Variants in MED13L observed in about 807,000 individuals in gnomAD.
MED13L encodes the protein mediator of RNA polymerase II transcription subunit 13-like.
MED13L carries 7 observed loss-of-function variants against 220.9 expected under a neutral mutation model. The ratio of observed to expected loss-of-function variants is 0.03; its 90% confidence interval spans 0.02 to 0.06. The LOEUF is 0.06. MED13L is among the 10% of genes least tolerant of loss of function. The probability of loss-of-function intolerance (pLI) is 1.00; values close to 1 mark genes in which losing one functional copy is unlikely to be tolerated. For missense variants in MED13L, 1,965 were observed against 2,760.5 expected (o/e 0.71, Z 6.46); for synonymous variants, 1,011 against 1,015.2 (o/e 1.00, Z 0.08).
chr12:116,011,293 TAAAA>T (rs1055400426), intron 9 of MED13L, among the ~76,000 whole-genome samples: 1 of 151,498 alleles, frequency 6.6e-6, no homozygotes, highest in Admixed American at 6.6e-5. Flanking sequence ...CATATGGTTA[TAAAA>T]AAAAGACCTG....
chr12:116,207,322 C>G (rs554557932), intron 2 of MED13L, among the ~76,000 whole-genome samples: 79 of 152,068 alleles, frequency 5.2e-4, no homozygotes, highest in Admixed American at 4.1e-3. Context: ...TAGGTATGTT[C>G]GGAAACACAA....
At chr12:116,029,280 A>T (rs1283959595) in intron 4 of MED13L, among the ~76,000 whole-genome samples, 1 of 151,260 alleles carries the variant, frequency 6.6e-6, no homozygotes, top group Non-Finnish European at 1.5e-5. Flanking sequence ...AAGCATTTAA[A>T]CTGAGGTTTA....
At chr12:116,207,880 T>C (rs758721796) in intron 2 of MED13L, among the ~76,000 whole-genome samples, 3 of 152,186 alleles carry the variant, frequency 2.0e-5, no homozygotes, top group Admixed American at 6.5e-5. Flanking sequence ...GCTCAGATTG[T>C]GGTCTCTAAA....
chr12:116,016,331 A>G (rs1879721454), intron 7 of MED13L, among the ~76,000 whole-genome samples: 1 of 152,164 alleles, frequency 6.6e-6, no homozygotes, highest in African/African-American at 2.4e-5. Context: ...CTTATATTCT[A>G]AGGAAATGAA....
intron 4 of MED13L, among the ~76,000 whole-genome samples, chr12:116,024,776 G>GGGGC (rs1880278207): frequency 1.0e-5 from 1 of 98,206 alleles, no homozygotes; most frequent in Non-Finnish European, 2.1e-5. Flanking sequence ...GGCGGGGCGG[G>GGGGC]GGGGGGGGGG....
chr12:116,149,042 T>C (rs967852665), intron 2 of MED13L, among the ~76,000 whole-genome samples: 3 of 152,232 alleles, frequency 2.0e-5, no homozygotes, highest in South Asian at 4.1e-4. Flanking sequence ...TAACAACTCA[T>C]TGTTTGAGAT....
chr12:116,064,709 T>A (rs1593002780), intron 4 of MED13L, among the ~76,000 whole-genome samples: 1 of 152,172 alleles, frequency 6.6e-6, no homozygotes, highest in African/African-American at 2.4e-5. Flanking sequence ...AACTAAACCT[T>A]CTACGGTACT....
In MED13L at chr12:116,096,736, T is replaced by C; in HGVS notation, c.412A>G (p.Asn138Asp). ...NLLERCLMDK[N>D]FVRIGKWFVR... is the part of the protein sequence containing the mutation. ...AACCATTTCCCAATCCTAACGAAGTTCTTATCCATTAGGCACCTAAAATAA... is the reference window on the plus strand; with the variant it reads ...AACCATTTCCCAATCCTAACGAAGTCCTTATCCATTAGGCACCTAAAATAA... The change falls in exon 4 of 31, where the codon AAC (asparagine) becomes GAC (aspartate). Residue 138 changes from asparagine (N) to aspartate (D), a missense_variant. Physicochemically the swap from Asn to Asp is conservative, Grantham distance 23 (BLOSUM62 1). Transcript: ENST00000281928. The C allele has an allele frequency of 6.2e-7, 1 of 1,613,782 alleles. No homozygotes were observed. Among genetic ancestry groups the C allele is most frequent in the Non-Finnish European group, 8.5e-7 (1 of 1,179,730 alleles).
chr12:116,196,071 G>T (rs1881608237), intron 2 of MED13L, among the ~76,000 whole-genome samples: 1 of 151,950 alleles, frequency 6.6e-6, no homozygotes, highest in African/African-American at 2.4e-5. Flanking sequence ...ATATTTAACA[G>T]CAGTTTCAGA....
chr12:116,232,864 A>G (rs1037628280), intron 2 of MED13L, among the ~76,000 whole-genome samples: 1 of 152,160 alleles, frequency 6.6e-6, no homozygotes, highest in Non-Finnish European at 1.5e-5. Context: ...AGGCGGGCGG[A>G]TCGATTGAGG....
chr12:116,081,351 C>T (rs979851828), intron 4 of MED13L, among the ~76,000 whole-genome samples: 13 of 152,226 alleles, frequency 8.5e-5, no homozygotes, highest in African/African-American at 3.1e-4. Context: ...GTAAACTGTA[C>T]TTTAGGATGC....
intron 2 of MED13L, among the ~76,000 whole-genome samples, chr12:116,142,692 A>G (rs1256037962): frequency 6.6e-6 from 1 of 152,174 alleles, no homozygotes; most frequent in Non-Finnish European, 1.5e-5. Flanking sequence ...CAGTCTCCAA[A>G]AAATAAAAGT....
At chr12:116,021,271 T>C (rs959533956) in intron 5 of MED13L, among the ~76,000 whole-genome samples, 7 of 152,150 alleles carry the variant, frequency 4.6e-5, no homozygotes, top group South Asian at 4.1e-4. Context: ...GTTCCCAACA[T>C]TGAAGATTAG....
chr12:116,142,250 T>C (rs977383623), intron 2 of MED13L, among the ~76,000 whole-genome samples: 4 of 152,234 alleles, frequency 2.6e-5, no homozygotes, highest in Non-Finnish European at 4.4e-5. Context: ...AACCAAGATT[T>C]TAGTCTGTTT....
At chr12:116,108,716 T>A (rs777066810) in intron 3 of MED13L, among the ~76,000 whole-genome samples, 2 of 152,230 alleles carry the variant, frequency 1.3e-5, no homozygotes, top group Admixed American at 6.5e-5. Context: ...AAAGAAAAGA[T>A]GTTTTATTTG....
intron 3 of MED13L, among the ~76,000 whole-genome samples, chr12:116,109,798 A>G (rs1440062129): frequency 6.6e-6 from 1 of 152,240 alleles, no homozygotes; most frequent in Non-Finnish European, 1.5e-5. Flanking sequence ...TTCCACATGC[A>G]TAGTACACCT....
chr12:116,066,862 C>A (rs770641422), intron 4 of MED13L, among the ~76,000 whole-genome samples: 26 of 151,986 alleles, frequency 1.7e-4, no homozygotes, highest in Non-Finnish European at 3.4e-4. Flanking sequence ...CCTGCTACTT[C>A]ATCTTCTACA....
intron 2 of MED13L, among the ~76,000 whole-genome samples, chr12:116,211,498 A>C (rs1298339263): frequency 6.6e-6 from 1 of 152,164 alleles, no homozygotes; most frequent in Non-Finnish European, 1.5e-5. Flanking sequence ...GAGAAAACAA[A>C]ACAACACAAA....
rs1235635941 is a variant in MED13L at position 116,007,425 on chromosome 12, G to T, written c.2224C>A (p.Leu742Met). The T allele has an allele frequency of 6.2e-7, 1 of 1,612,654 alleles. No individual in the cohort carries two copies. The highest frequency in any genetic ancestry group is 2.2e-5 in the East Asian group (1 of 44,860). The change falls in exon 11 of 31, where the codon CTG (leucine) becomes ATG (methionine). Residue 742 changes from leucine (L) to methionine (M), a missense_variant. This residue lies in a region of MED13L where 818 missense variants were observed against 1,041.2 expected (regional missense o/e 0.79). Transcript: ENST00000281928. ...KCKQGTEKDS[L>M]KKNKSEDGFG... Reference sequence around the variant, plus strand: ...TTAAATGGTACCTTATTCTTTTTCAGGGAATCTTTCTCCGTCCCTTGTTTG... The same window carrying T: ...TTAAATGGTACCTTATTCTTTTTCATGGAATCTTTCTCCGTCCCTTGTTTG...
Sources: allele counts gnomAD v4.1 joint callset (sites outside exome capture counted in the v4.1 genomes callset), GRCh38; gene constraint gnomAD v4.1.1; regional missense constraint gnomAD v4.1.1; transcripts MANE v1.5; gene names NCBI Gene and HGNC (gene_info 2026-07-23, HGNC 2026-07-21).